NUDT1: variants seen among roughly 807,000 people sequenced by gnomAD.
NUDT1 encodes nudix hydrolase 1, also known as oxidized purine nucleoside triphosphate hydrolase.
NUDT1 carries 16 observed loss-of-function variants against 11.3 expected under a neutral mutation model. The ratio of observed to expected loss-of-function variants is 1.41; its 90% CI spans 0.96 to 2.15. NUDT1 has a LOEUF of 2.15. Ranked by LOEUF, NUDT1 falls within the 30% of genes most tolerant of loss-of-function variation. The pLI, the probability that NUDT1 is intolerant of heterozygous loss-of-function variation, is 0.00. For missense variants in NUDT1, 234 were observed against 208.4 expected (o/e 1.12, Z -0.76); for synonymous variants, 101 against 84.4 (o/e 1.20, Z -1.08).
chr7:2,244,655 C>A lies in NUDT1; in HGVS notation c.81C>A (p.Phe27Leu). The change falls in exon 2 of 4, where the codon TTC becomes TTA. Residue 27 changes from phenylalanine (F) to leucine (L), a missense_variant. Coordinates refer to ENST00000356714, the MANE Select transcript of NUDT1 (RefSeq NM_002452.4). ...RVLLGMKKRG[F>L]GAGRWNGFGG... ...TCCTGGGCATGAAAAAGCGAGGCTT[C>A]GGGGCCGGCCGGTGGAATGGCTTTG... 6.2e-7 allele frequency: 1 copy of A among 1,613,736 alleles called. No individual in the cohort carries two copies. Among genetic ancestry groups the A allele is most frequent in the Middle Eastern group, 1.7e-4 (1 of 6,050 alleles).
At chr7:2,247,303 G>A (rs891262709) in intron 2 of NUDT1, among the ~76,000 whole-genome samples, 3 of 152,192 alleles carry the variant, frequency 2.0e-5, no homozygotes, top group Non-Finnish European at 2.9e-5. Flanking sequence ...GCCAAGAGCC[G>A]GTTTAGGCAC....
Position 2,251,104 on chromosome 7 carries a change from G to C in NUDT1, c.*103G>C. 8.9e-7 allele frequency: 1 copy of C among 1,129,164 alleles called. No homozygotes were observed. The highest frequency in any genetic ancestry group is 1.3e-6 in the Non-Finnish European group (1 of 755,888). The allele number at this position is 1,129,164 out of a possible 1,614,324, so 69.9% of individuals were successfully genotyped here. On this transcript the variant is annotated 3_prime_UTR_variant, in exon 4 of 4. Coordinates refer to ENST00000356714, the MANE Select transcript of NUDT1 (RefSeq NM_002452.4). The stretch of plus-strand genomic sequence containing the variant: ...GTGGCGCAGAGCCGGGTTTCATCTG[G>C]AATTAACTGGATGGAAGGGAAAATA...
intron 2 of NUDT1, among the ~76,000 whole-genome samples, chr7:2,248,652 A>T (rs1794863428): frequency 6.6e-6 from 1 of 151,120 alleles, no homozygotes; most frequent in Admixed American, 6.6e-5. Flanking sequence ...CCTGGGCTCA[A>T]GCATTCCTCC....
At chr7:2,247,326 C>T (rs549462697) in intron 2 of NUDT1, among the ~76,000 whole-genome samples, 1 of 152,250 alleles carries the variant, frequency 6.6e-6, no homozygotes, top group Non-Finnish European at 1.5e-5. Context: ...TCCCCGCTTG[C>T]CTGCAGGGGG....
At chr7:2,242,283 A>G (rs962976346) in intron 1 of NUDT1, 27 bp downstream of exon 1, 11 of 1,094,656 alleles carry the variant, frequency 1.0e-5, no homozygotes, top group African/African-American at 9.9e-5. Context: ...CGGGGATTCC[A>G]GGAGTCGTGG....
chr7:2,248,555 T>A (rs879875706), intron 2 of NUDT1, among the ~76,000 whole-genome samples: 1 of 149,244 alleles, frequency 6.7e-6, no homozygotes, highest in Non-Finnish European at 1.5e-5. Context: ...TGCTTTTTTT[T>A]TTTTTTTTTT....
intron 2 of NUDT1, 23 bp from the exon 3 acceptor site, chr7:2,249,834 C>A: frequency 6.2e-7 from 1 of 1,611,254 alleles, no homozygotes; most frequent in Non-Finnish European, 8.5e-7. Flanking sequence ...CGGCCTCCCT[C>A]CCCTGCCCAC....
intron 1 of NUDT1, 162 bp from the exon 2 acceptor site, chr7:2,244,401 C>G (rs1794681266): frequency 1.5e-6 from 1 of 652,796 alleles, no homozygotes; most frequent in Admixed American, 3.1e-5. Flanking sequence ...TGGCAGTTTT[C>G]CACCTGCCAC....
At chr7:2,245,368 A>T (rs1794730043) in intron 2 of NUDT1, among the ~76,000 whole-genome samples, 1 of 152,152 alleles carries the variant, frequency 6.6e-6, no homozygotes, top group Non-Finnish European at 1.5e-5. Flanking sequence ...GCTTGCCTGG[A>T]GAGGAGAACT....
chr7:2,246,941 G>GA (rs1287174284), intron 2 of NUDT1, among the ~76,000 whole-genome samples: 1 of 152,062 alleles, frequency 6.6e-6, no homozygotes, highest in African/African-American at 2.4e-5. Flanking sequence ...AAGAAAGAAA[G>GA]AAAAAAATCC....
At position 2,244,356 on chromosome 7, in the gene NUDT1, G is replaced by C. The variant is rs116463357; in HGVS notation, c.-12-207G>C. 788 of 511,614 alleles carry C rather than the reference G, an allele frequency of 1.5e-3. 2 individuals carry two copies. The highest frequency in any genetic ancestry group is 0.014 in the African/African-American group (722 of 52,182). 31.7% of individuals were successfully genotyped at this position (511,614 alleles called of 1,614,324 possible). ...GCTTGATCAGCCCTGCTGACCACTG[G>C]GTTCTGTTTCTACCCCAGAAAATCA... On this transcript the variant is annotated intron_variant, in intron 1 of 3. Transcript: ENST00000356714.
At chr7:2,246,726 C>G (rs1009612343) in intron 2 of NUDT1, among the ~76,000 whole-genome samples, 1 of 152,182 alleles carries the variant, frequency 6.6e-6, no homozygotes, top group African/African-American at 2.4e-5. Context: ...GGCTTGCTGT[C>G]AGACCAGGGT....
Position 2,244,664 on chromosome 7 carries a change from C to A in NUDT1, c.90C>A (p.Gly30=), listed in dbSNP as rs760667389. 1 of 1,613,658 alleles carries A rather than the reference C, an allele frequency of 6.2e-7. No homozygotes were observed. The change falls in exon 2 of 4, where the codon GGC becomes GGA. Residue 30 remains glycine, a synonymous_variant. Coordinates refer to ENST00000356714, the MANE Select transcript of NUDT1 (RefSeq NM_002452.4). ...LGMKKRGFGA[G]RWNGFGGKVQ... is the part of the protein sequence containing the mutation. ...TGAAAAAGCGAGGCTTCGGGGCCGG[C>A]CGGTGGAATGGCTTTGGGGGCAAAG...
intron 2 of NUDT1, among the ~76,000 whole-genome samples, chr7:2,247,421 G>A (rs1379105963): frequency 2.6e-5 from 4 of 152,182 alleles, no homozygotes; most frequent in Admixed American, 6.5e-5. Flanking sequence ...AGGGAGTACT[G>A]AATTGTGGGG....
At chr7:2,249,795 C>A (rs1167198414) in intron 2 of NUDT1, 62 bp from the exon 3 acceptor site, 2 of 1,599,484 alleles carry the variant, frequency 1.3e-6, no homozygotes, top group Non-Finnish European at 8.5e-7. Context: ...TCCTCCCTGC[C>A]ATCGTGTGGG....
chr7:2,249,853 G>C lies in NUDT1; in HGVS notation c.153-4G>C. The stretch of plus-strand genomic sequence containing the variant: ...CTCCCTCCCCTGCCCACCTCTGCCC[G>C]CAGGGAGCTGCAGGAGGAGAGCGGT... On this transcript the variant is annotated splice_polypyrimidine_tract_variant and splice_region_variant and intron_variant, in intron 2 of 3. Coordinates refer to ENST00000356714, the MANE Select transcript of NUDT1 (RefSeq NM_002452.4). 6.2e-7 allele frequency: 1 copy of C among 1,612,874 alleles called. No homozygotes were observed.
At chr7:2,246,233 A>G (rs1019268479) in intron 2 of NUDT1, among the ~76,000 whole-genome samples, 1 of 152,122 alleles carries the variant, frequency 6.6e-6, no homozygotes, top group African/African-American at 2.4e-5. Context: ...ATGAGGAGGA[A>G]CAGGTCAGTC....
At chr7:2,245,336 T>C (rs1794728599) in intron 2 of NUDT1, among the ~76,000 whole-genome samples, 2 of 152,174 alleles carry the variant, frequency 1.3e-5, no homozygotes, top group Admixed American at 1.3e-4. Context: ...GTTCGTGTTT[T>C]TGTTCTGAGA....
At chr7:2,249,106 G>A (rs1312420501) in intron 2 of NUDT1, among the ~76,000 whole-genome samples, 1 of 152,246 alleles carries the variant, frequency 6.6e-6, no homozygotes, top group Admixed American at 6.5e-5. Context: ...CTTGTTCCCA[G>A]GCGCAGCAGC....
Sources: allele counts gnomAD v4.1 joint callset (sites outside exome capture counted in the v4.1 genomes callset), GRCh38; gene constraint gnomAD v4.1.1; transcripts MANE v1.5; gene names NCBI Gene and HGNC (gene_info 2026-07-23, HGNC 2026-07-21).